RHOBTB1: variants seen among roughly 807,000 people sequenced by gnomAD.
RHOBTB1 encodes rho-related BTB domain-containing protein 1.
RHOBTB1 carries 40 observed loss-of-function variants against 71.6 expected under a neutral mutation model. The ratio of observed to expected loss-of-function variants is 0.56; its 90% confidence interval spans 0.43 to 0.73. RHOBTB1 has a LOEUF of 0.73. Among genes scored for constraint, RHOBTB1 ranks in the 30% least tolerant of loss-of-function variants. The probability of loss-of-function intolerance (pLI) is 0.00; values close to 1 mark genes in which losing one functional copy is unlikely to be tolerated. For missense variants in RHOBTB1, 797 were observed against 894.0 expected (o/e 0.89, Z 1.38); for synonymous variants, 319 against 334.9 (o/e 0.95, Z 0.52).
chr10:60,941,103 G>A (rs2084879495), intron 2 of RHOBTB1, among the ~76,000 whole-genome samples: 1 of 152,136 alleles, frequency 6.6e-6, no homozygotes, highest in African/African-American at 2.4e-5. Context: ...TATTATATGT[G>A]CTAGTAATTA....
intron 2 of RHOBTB1, among the ~76,000 whole-genome samples, chr10:60,979,549 T>A (rs2086425179): frequency 6.6e-6 from 1 of 152,018 alleles, no homozygotes; most frequent in Non-Finnish European, 1.5e-5. Context: ...AGAAATGAGG[T>A]GAATAAGGGT....
chr10:60,919,120 C>A (rs2083421486), intron 2 of RHOBTB1, among the ~76,000 whole-genome samples: 1 of 152,126 alleles, frequency 6.6e-6, no homozygotes, highest in African/African-American at 2.4e-5. Flanking sequence ...ATGGAGGGAC[C>A]TTTGTAGTCT....
At chr10:60,933,119 T>C (rs571026006) in intron 2 of RHOBTB1, among the ~76,000 whole-genome samples, 2 of 152,230 alleles carry the variant, frequency 1.3e-5, no homozygotes, top group Non-Finnish European at 2.9e-5. Flanking sequence ...TGGTGGAAAA[T>C]TAACCAGACT....
At chr10:60,871,755 A>G (rs1464739646) in intron 10 of RHOBTB1, 104 bp from the exon 11 acceptor site, 7 of 1,097,178 alleles carry the variant, frequency 6.4e-6, no homozygotes, top group Non-Finnish European at 9.1e-6. Context: ...CAAAAACGTG[A>G]TGCGGCAGAG....
At chr10:60,928,353 T>C (rs1311709982) in intron 2 of RHOBTB1, among the ~76,000 whole-genome samples, 1 of 151,906 alleles carries the variant, frequency 6.6e-6, no homozygotes, top group Non-Finnish European at 1.5e-5. Context: ...AAAATCAGTA[T>C]ATCAAAGCGA....
chr10:60,929,566 G>C (rs1488204461), intron 2 of RHOBTB1, among the ~76,000 whole-genome samples: 1 of 151,834 alleles, frequency 6.6e-6, no homozygotes, highest in Non-Finnish European at 1.5e-5. Context: ...GGAAACCAAA[G>C]CCAAAAAAAT....
At chr10:60,983,660 AT>A (rs2086573945) in intron 2 of RHOBTB1, among the ~76,000 whole-genome samples, 3 of 152,216 alleles carry the variant, frequency 2.0e-5, no homozygotes, top group Admixed American at 2.0e-4. Flanking sequence ...ATGCACTCTA[AT>A]ACACCTAAAC....
chr10:60,891,763 A>T (rs950297327), intron 5 of RHOBTB1, among the ~76,000 whole-genome samples: 4 of 152,166 alleles, frequency 2.6e-5, no homozygotes, highest in Admixed American at 1.3e-4. Context: ...GAGGGAACTG[A>T]CATTTTAAAA....
At chr10:60,882,397 T>C (rs377220710) in intron 7 of RHOBTB1, among the ~76,000 whole-genome samples, 1 of 152,186 alleles carries the variant, frequency 6.6e-6, no homozygotes, top group Non-Finnish European at 1.5e-5. Flanking sequence ...CAGGCATGCA[T>C]TTTTAATGAA....
At chr10:60,886,456 T>C (rs991109081) in intron 6 of RHOBTB1, among the ~76,000 whole-genome samples, 7 of 152,068 alleles carry the variant, frequency 4.6e-5, no homozygotes, top group Admixed American at 6.5e-5. Flanking sequence ...CGGCACAAAC[T>C]CTCTGAACCA....
At chr10:60,871,959 C>A in intron 10 of RHOBTB1, 1 of 619,964 alleles carries the variant, frequency 1.6e-6, no homozygotes, top group South Asian at 1.9e-5. Context: ...AACAGGGCAC[C>A]CTGGACTCTA....
chr10:60,908,936 A>G (rs1014647914), intron 4 of RHOBTB1, among the ~76,000 whole-genome samples: 1 of 152,216 alleles, frequency 6.6e-6, no homozygotes, highest in Non-Finnish European at 1.5e-5. Context: ...CAGAGAATCA[A>G]ACTTGGCTTG....
At chr10:60,928,812 T>C (rs1335830941) in intron 2 of RHOBTB1, among the ~76,000 whole-genome samples, 1 of 152,128 alleles carries the variant, frequency 6.6e-6, no homozygotes, top group Non-Finnish European at 1.5e-5. Flanking sequence ...AAATGATAAA[T>C]GCTTGAGGTT....
intron 2 of RHOBTB1, among the ~76,000 whole-genome samples, chr10:60,927,101 G>A (rs191321934): frequency 1.8e-4 from 27 of 152,194 alleles, no homozygotes; most frequent in African/African-American, 5.8e-4. Flanking sequence ...AAGAAATCAA[G>A]AAAGTAATCC....
chr10:60,970,214 T>C (rs544445271), intron 2 of RHOBTB1, among the ~76,000 whole-genome samples: 2 of 152,216 alleles, frequency 1.3e-5, no homozygotes, highest in South Asian at 4.2e-4. Flanking sequence ...AATTGGTTAT[T>C]TGTGGTTACA....
chr10:60,939,927 T>A (rs1393012511), intron 2 of RHOBTB1, among the ~76,000 whole-genome samples: 2 of 152,218 alleles, frequency 1.3e-5, no homozygotes, highest in Admixed American at 1.3e-4. Context: ...GTTCATAACA[T>A]TATATGATTC....
chr10:60,944,895 TA>T (rs1186044130), upstream of RHOBTB1, among the ~76,000 whole-genome samples: 1 of 152,132 alleles, frequency 6.6e-6, no homozygotes, highest in Non-Finnish European at 1.5e-5. Context: ...CCGACCCGGG[TA>T]CAGAGGTGAT....
intron 10 of RHOBTB1, chr10:60,871,906 T>A (rs2080806338): frequency 1.7e-6 from 1 of 603,616 alleles, no homozygotes. Context: ...CCTAAGCTTG[T>A]CTCCCTAAAC....
At chr10:60,920,107 C>T (rs2133694492) in intron 2 of RHOBTB1, among the ~76,000 whole-genome samples, 1 of 152,258 alleles carries the variant, frequency 6.6e-6, no homozygotes, top group Middle Eastern at 3.4e-3. Flanking sequence ...TACTTCTGCA[C>T]AAAGGCCCTT....
Sources: allele counts gnomAD v4.1 joint callset (sites outside exome capture counted in the v4.1 genomes callset), GRCh38; gene constraint gnomAD v4.1.1; transcripts MANE v1.5; gene names NCBI Gene and HGNC (gene_info 2026-07-23, HGNC 2026-07-21).